SEMA6D: variants seen among roughly 807,000 people sequenced by gnomAD.
SEMA6D encodes semaphorin-6D.
SEMA6D carries 35 observed loss-of-function variants against 106.6 expected under a neutral mutation model. The observed-to-expected ratio is 0.33, with a 90% confidence interval of 0.25 to 0.44. The LOEUF (loss-of-function observed/expected upper bound fraction) is 0.44. Among genes scored for constraint, SEMA6D ranks in the 20% least tolerant of loss-of-function variants. The pLI is 1.00. For missense variants in SEMA6D, 1,185 were observed against 1,345.9 expected, an observed-to-expected ratio of 0.88 and a Z score of 1.87; for synonymous variants, 499 against 487.7, an observed-to-expected ratio of 1.02 and a Z score of -0.31.
At chr15:47,521,360 T>C (rs565494045) in intron 3 of SEMA6D, among the ~76,000 whole-genome samples, 1 of 152,258 alleles carries the variant, frequency 6.6e-6, no homozygotes, top group East Asian at 1.9e-4. Context: ...TTCAGGACAC[T>C]TGCATTTCTG....
At chr15:47,440,180 T>G (rs1482183022) in intron 2 of SEMA6D, among the ~76,000 whole-genome samples, 1 of 151,994 alleles carries the variant, frequency 6.6e-6, no homozygotes, top group Non-Finnish European at 1.5e-5. Flanking sequence ...GGAACGTGTC[T>G]AAGACATATG....
chr15:47,324,829 G>A (rs546456933), intron 1 of SEMA6D, among the ~76,000 whole-genome samples: 21 of 152,022 alleles, frequency 1.4e-4, no homozygotes, highest in African/African-American at 4.6e-4. Flanking sequence ...TATAATGAGT[G>A]TAAGATACAC....
At chr15:47,314,119 A>G (rs1190905488) in intron 1 of SEMA6D, among the ~76,000 whole-genome samples, 1 of 152,118 alleles carries the variant, frequency 6.6e-6, no homozygotes, top group African/African-American at 2.4e-5. Flanking sequence ...TTAGTGTTCC[A>G]GATTTTGGTC....
At chr15:47,289,040 G>A (rs1376025184) in intron 1 of SEMA6D, among the ~76,000 whole-genome samples, 3 of 152,080 alleles carry the variant, frequency 2.0e-5, no homozygotes, top group East Asian at 1.9e-4. Flanking sequence ...TTCAACCAAG[G>A]TGAAGATTAA....
intron 3 of SEMA6D, among the ~76,000 whole-genome samples, chr15:47,591,222 A>G (rs143968000): frequency 1.8e-4 from 27 of 152,262 alleles, no homozygotes; most frequent in African/African-American, 6.5e-4. Flanking sequence ...TTCTTTTATT[A>G]TATCAGGGCA....
chr15:47,418,476 C>G (rs1159985394), intron 2 of SEMA6D, among the ~76,000 whole-genome samples: 4 of 152,032 alleles, frequency 2.6e-5, no homozygotes, highest in Non-Finnish European at 4.4e-5. Flanking sequence ...TGTTCATAGG[C>G]CGAGCCTTCT....
At chr15:47,564,417 T>C (rs1235316494) in intron 3 of SEMA6D, among the ~76,000 whole-genome samples, 1 of 152,176 alleles carries the variant, frequency 6.6e-6, no homozygotes, top group Non-Finnish European at 1.5e-5. Flanking sequence ...TTAATGTAGA[T>C]CCCCAGTCCC....
intron 2 of SEMA6D, among the ~76,000 whole-genome samples, chr15:47,462,495 A>G (rs974571689): frequency 1.3e-5 from 2 of 152,012 alleles, no homozygotes; most frequent in African/African-American, 4.8e-5. Context: ...CCTCCTTCCT[A>G]CAGCCCTTTT....
chr15:47,617,261 G>C (rs1045531750), intron 4 of SEMA6D, among the ~76,000 whole-genome samples: 2 of 152,150 alleles, frequency 1.3e-5, no homozygotes, highest in Non-Finnish European at 2.9e-5. Context: ...CTGTTGCTTG[G>C]AGGCTTGGAG....
intron 4 of SEMA6D, among the ~76,000 whole-genome samples, chr15:47,700,915 A>C (rs2078797784): frequency 6.6e-6 from 1 of 152,196 alleles, no homozygotes; most frequent in African/African-American, 2.4e-5. Context: ...CACACTTGGA[A>C]AAAAACATTA....
At position 47,268,073 on chromosome 15, in the gene SEMA6D, C is replaced by T. The variant is rs184787025; in HGVS notation, c.-239+83655C>T. On this transcript the variant is annotated intron_variant, in intron 1 of 19. Transcript: ENST00000558014. Reference sequence around the variant, plus strand: ...CAGAATCAAAGACCCCACCCAAGACCTACTGAAACAGAAACGGCAGTTTAA... The same window carrying T: ...CAGAATCAAAGACCCCACCCAAGACTTACTGAAACAGAAACGGCAGTTTAA... 4.5e-3 allele frequency among the ~76,000 whole-genome samples: 691 copies of T among 152,208 alleles called. 10 individuals are homozygous for T. Among genetic ancestry groups the T allele is most frequent in the African/African-American group, 0.016 (645 of 41,554 alleles).
intron 1 of SEMA6D, among the ~76,000 whole-genome samples, chr15:47,265,932 C>G (rs1383923753): frequency 6.6e-6 from 1 of 152,092 alleles, no homozygotes; most frequent in Non-Finnish European, 1.5e-5. Context: ...GCCTCTCTGT[C>G]GCTGTTTCTT....
intron 1 of SEMA6D, among the ~76,000 whole-genome samples, chr15:47,209,877 G>A (rs187045463): frequency 1.3e-5 from 2 of 152,228 alleles, no homozygotes; most frequent in African/African-American, 4.8e-5. Flanking sequence ...GGCCAAAGGA[G>A]CAATTGCCAA....
At chr15:47,622,517 C>T (rs999394990) in intron 4 of SEMA6D, among the ~76,000 whole-genome samples, 4 of 152,128 alleles carry the variant, frequency 2.6e-5, no homozygotes, top group African/African-American at 9.7e-5. Flanking sequence ...TAATGCATCT[C>T]TTCAACTTTG....
chr15:47,290,444 G>C (rs2035547955), intron 1 of SEMA6D, among the ~76,000 whole-genome samples: 1 of 152,130 alleles, frequency 6.6e-6, no homozygotes, highest in Admixed American at 6.5e-5. Flanking sequence ...GTTCAGTTCT[G>C]TGTAAGTAGA....
At chr15:47,474,046 A>G (rs560139171) in intron 3 of SEMA6D, among the ~76,000 whole-genome samples, 1 of 152,176 alleles carries the variant, frequency 6.6e-6, no homozygotes, top group African/African-American at 2.4e-5. Flanking sequence ...TATAGGAAGA[A>G]AAAAGGAGAA....
At chr15:47,259,580 A>G (rs755128184) in intron 1 of SEMA6D, among the ~76,000 whole-genome samples, 32 of 151,476 alleles carry the variant, frequency 2.1e-4, no homozygotes, top group Non-Finnish European at 4.6e-4. Context: ...GTAGTGTGTC[A>G]TTTCTCTGTG....
chr15:47,537,202 A>G lies in SEMA6D; in HGVS notation c.-86-63663A>G, dbSNP rs147001749. On this transcript the variant is annotated intron_variant, in intron 3 of 19. Transcript: ENST00000558014. ...GAAAAACAAACATTCCTCTTTTCAC[A>G]CTACAAATAATAGAGAGTAAAGCTT... is the stretch of plus-strand genomic sequence containing the variant. Among the ~76,000 whole-genome samples the G allele has an allele frequency of 1.8e-3, 270 of 152,376 alleles. 1 individual carries two copies. Among genetic ancestry groups the G allele is most frequent in the South Asian group, 7.2e-3 (35 of 4,830 alleles).
At chr15:47,723,619 G>A (rs974230156) in intron 1 of SEMA6D, among the ~76,000 whole-genome samples, 6 of 152,024 alleles carry the variant, frequency 3.9e-5, no homozygotes, top group Non-Finnish European at 8.8e-5. Context: ...TATGATGGAG[G>A]GAAAATCTTT....
Sources: allele counts gnomAD v4.1 joint callset (sites outside exome capture counted in the v4.1 genomes callset), GRCh38; gene constraint gnomAD v4.1.1; transcripts MANE v1.5; gene names NCBI Gene and HGNC (gene_info 2026-07-23, HGNC 2026-07-21).